Variants in RBMS1 observed in about 807,000 individuals in gnomAD.
The protein encoded by RBMS1 is RNA binding motif single stranded interacting protein 1, also known as RNA-binding motif, single-stranded-interacting protein 1.
RBMS1 carries 17 observed loss-of-function variants against 62.3 expected under a neutral mutation model. The ratio of observed to expected loss-of-function variants is 0.27; its 90% confidence interval spans 0.19 to 0.41. The LOEUF is 0.41. Ranked by LOEUF, RBMS1 falls within the 10% of genes least tolerant of loss-of-function variation. The pLI, the probability that RBMS1 is intolerant of heterozygous loss-of-function variation, is 1.00. For synonymous variants in RBMS1, 172 were observed against 170.0 expected (o/e 1.01, Z -0.09); for missense variants, 334 against 504.5 (o/e 0.66, Z 3.24).
At chr2:160,419,148 TA>T (rs1450040859) in intron 1 of RBMS1, among the ~76,000 whole-genome samples, 2 of 152,178 alleles carry the variant, frequency 1.3e-5, no homozygotes, top group Non-Finnish European at 1.5e-5. Context: ...TCCTCAATAT[TA>T]AAGAATATCA....
intron 3 of RBMS1, among the ~76,000 whole-genome samples, chr2:160,317,293 C>T (rs1690278723): frequency 6.6e-6 from 1 of 152,160 alleles, no homozygotes; most frequent in Non-Finnish European, 1.5e-5. Context: ...AGCCACTGCC[C>T]CGTCACCACT....
chr2:160,471,714 T>TATATATATATATATATATATATAC (rs1469811554), intron 1 of RBMS1, among the ~76,000 whole-genome samples: 1 of 121,604 alleles, frequency 8.2e-6, no homozygotes, highest in Non-Finnish European at 1.8e-5. Flanking sequence ...TATATATATA[T>TATATATATATATATATATATATAC]ATAACCTTTC....
intron 1 of RBMS1, among the ~76,000 whole-genome samples, chr2:160,370,357 G>A (rs1245917515): frequency 2.6e-5 from 4 of 152,156 alleles, no homozygotes; most frequent in African/African-American, 7.2e-5. Context: ...AAACTGGGCC[G>A]GGCGCAGTGG....
intron 1 of RBMS1, among the ~76,000 whole-genome samples, chr2:160,478,404 G>A (rs186182049): frequency 2.0e-5 from 3 of 152,254 alleles, no homozygotes; most frequent in Admixed American, 2.0e-4. Flanking sequence ...CTAAGAAGTT[G>A]GGTGAAAATC....
At chr2:160,379,374 T>A (rs1694164400) in intron 1 of RBMS1, among the ~76,000 whole-genome samples, 1 of 152,218 alleles carries the variant, frequency 6.6e-6, no homozygotes, top group Admixed American at 6.5e-5. Flanking sequence ...TACTGCATAT[T>A]TGGACTGAGT....
chr2:160,360,687 C>T (rs1693078488), intron 2 of RBMS1, among the ~76,000 whole-genome samples: 1 of 152,176 alleles, frequency 6.6e-6, no homozygotes, highest in South Asian at 2.1e-4. Context: ...GATACTATTG[C>T]TTTCACCCTT....
chr2:160,374,948 G>C (rs1364339125), intron 1 of RBMS1, among the ~76,000 whole-genome samples: 2 of 151,910 alleles, frequency 1.3e-5, no homozygotes, highest in Non-Finnish European at 2.9e-5. Flanking sequence ...GGACGGTGGG[G>C]GGGAGGAATT....
chr2:160,471,958 G>A (rs1684941489), intron 1 of RBMS1, among the ~76,000 whole-genome samples: 1 of 151,812 alleles, frequency 6.6e-6, no homozygotes, highest in Non-Finnish European at 1.5e-5. Context: ...GTATCCTGCT[G>A]TAAATCTATT....
intron 2 of RBMS1, among the ~76,000 whole-genome samples, chr2:160,326,564 A>G (rs560835069): frequency 9.2e-5 from 14 of 152,214 alleles, no homozygotes; most frequent in Non-Finnish European, 1.9e-4. Context: ...AGAAAAGGAC[A>G]GAGAGAACAG....
rs543701550 is a variant in RBMS1 at position 160,421,345 on chromosome 2, T to C, written c.76-53954A>G. Among the ~76,000 whole-genome samples, 5 of 151,304 alleles carry C rather than the reference T, an allele frequency of 3.3e-5. No individual in the cohort carries two copies. The South Asian group carries it at 1.1e-3, about 32-fold the overall frequency. On this transcript the variant is annotated intron_variant, in intron 1 of 13. Transcript: ENST00000348849. ...CCGGTGTGTGATGTTCCCCTTCCTGTATCCAAGTGTTCTCATTGTTCAATT... is the reference window on the plus strand; with the variant it reads ...CCGGTGTGTGATGTTCCCCTTCCTGCATCCAAGTGTTCTCATTGTTCAATT...
chr2:160,314,861 T>C (rs1690124001), intron 3 of RBMS1, among the ~76,000 whole-genome samples: 1 of 152,162 alleles, frequency 6.6e-6, no homozygotes, highest in South Asian at 2.1e-4. Flanking sequence ...TTTTTAGACA[T>C]CTGTTGTCCA....
At chr2:160,311,216 C>CTATA (rs1245591404) in intron 4 of RBMS1, among the ~76,000 whole-genome samples, 3 of 31,562 alleles carry the variant, frequency 9.5e-5, no homozygotes, top group African/African-American at 1.6e-4. Context: ...AAAAATCTAT[C>CTATA]TATCTATCTA....
intron 1 of RBMS1, among the ~76,000 whole-genome samples, chr2:160,386,750 C>G (rs900230806): frequency 3.3e-5 from 5 of 152,156 alleles, no homozygotes; most frequent in Non-Finnish European, 7.3e-5. Flanking sequence ...TCTCAGACTT[C>G]CAGCCTCCAG....
chr2:160,427,464 A>T (rs1288539903), intron 1 of RBMS1, among the ~76,000 whole-genome samples: 4 of 152,140 alleles, frequency 2.6e-5, no homozygotes, highest in Non-Finnish European at 4.4e-5. Flanking sequence ...TGACACAATT[A>T]AAAAAATTGT....
intron 1 of RBMS1, among the ~76,000 whole-genome samples, chr2:160,400,903 C>T (rs1039098635): frequency 1.3e-5 from 2 of 152,094 alleles, no homozygotes; most frequent in South Asian, 2.1e-4. Flanking sequence ...TACCTTCATG[C>T]GTGATTGAAA....
intron 2 of RBMS1, among the ~76,000 whole-genome samples, chr2:160,365,280 T>C (rs2106022374): frequency 6.6e-6 from 1 of 152,360 alleles, no homozygotes; most frequent in Admixed American, 6.5e-5. Flanking sequence ...GCATGGTACA[T>C]ATCAAGAAGA....
intron 1 of RBMS1, among the ~76,000 whole-genome samples, chr2:160,384,935 T>C (rs949915205): frequency 6.6e-6 from 1 of 152,226 alleles, no homozygotes; most frequent in Non-Finnish European, 1.5e-5. Flanking sequence ...CCCCTGGTGA[T>C]GAGTGAGTTC....
rs527445559 is a variant in RBMS1, at chr2:160,485,017, G to GA, written c.75+8271dup. Reference sequence around the variant, plus strand: ...ATGTTTGCTTGATTCAGGGCTGAAGGAGAGTAAAGAAAAGCTGTGAGGCTG... The same window carrying GA: ...ATGTTTGCTTGATTCAGGGCTGAAGGAAGAGTAAAGAAAAGCTGTGAGGCTG... On this transcript the variant is annotated intron_variant, in intron 1 of 13. Coordinates refer to ENST00000348849, the MANE Select transcript of RBMS1 (RefSeq NM_016836.4). Among the ~76,000 whole-genome samples, 45 of 152,330 alleles carry GA rather than the reference G, an allele frequency of 3.0e-4. No individual in the cohort carries two copies. In the South Asian group the frequency reaches 9.3e-3, roughly 32 times the overall value.
In RBMS1 at chr2:160,384,693, G is replaced by T. The variant is rs1003953625; in HGVS notation, c.76-17302C>A. ...GGAGGATACCATCTATTCCATACTA[G>T]CTCGCAGTGTTGTTGTAAAGATTAC... On this transcript the variant is annotated intron_variant, in intron 1 of 13. Transcript: ENST00000348849. Among the ~76,000 whole-genome samples the T allele has an allele frequency of 2.6e-5, 4 of 152,158 alleles. 1 individual carries two copies. The highest frequency in any genetic ancestry group is 5.9e-5 in the Non-Finnish European group (4 of 68,044).
Sources: gnomAD v4.1 joint callset for allele counts (sites outside exome capture counted in the v4.1 genomes callset) on GRCh38, gnomAD v4.1.1 for gene constraint, MANE v1.5 for transcripts, NCBI Gene and HGNC (gene_info 2026-07-23, HGNC 2026-07-21) for gene names.